IFT81: variants seen among roughly 807,000 people sequenced by gnomAD.
The protein encoded by IFT81 is intraflagellar transport protein 81 homolog.
IFT81 carries 72 observed loss-of-function variants against 102.6 expected under a neutral mutation model. The ratio of observed to expected loss-of-function variants is 0.70; its 90% confidence interval spans 0.58 to 0.85. The LOEUF (loss-of-function observed/expected upper bound fraction) is 0.85, where lower values mean the gene tolerates loss of function less well. Among genes scored for constraint, IFT81 ranks in the 40% least tolerant of loss-of-function variants. The pLI is 0.00. For synonymous variants in IFT81, 237 were observed against 242.7 expected (o/e 0.98, Z 0.22); for missense variants, 723 against 787.3 (o/e 0.92, Z 0.98).
At chr12:110,201,821 T>C (rs895114450) in intron 14 of IFT81, among the ~76,000 whole-genome samples, 2 of 152,122 alleles carry the variant, frequency 1.3e-5, no homozygotes, top group Admixed American at 6.5e-5. Flanking sequence ...GGGTAATCAA[T>C]ATCACTGTCT....
intron 10 of IFT81, among the ~76,000 whole-genome samples, chr12:110,148,517 C>T (rs1457127999): frequency 3.3e-5 from 5 of 151,630 alleles, no homozygotes; most frequent in Non-Finnish European, 5.9e-5. Context: ...TCACTGTCAC[C>T]CAGGCTAGAG....
intron 8 of IFT81, among the ~76,000 whole-genome samples, chr12:110,141,674 G>C (rs902072618): frequency 5.3e-5 from 8 of 152,138 alleles, no homozygotes; most frequent in Admixed American, 5.2e-4. Flanking sequence ...GAGGTCAGGA[G>C]TTGCAGACCA....
intron 12 of IFT81, among the ~76,000 whole-genome samples, chr12:110,180,890 G>A (rs1477505274): frequency 6.6e-6 from 1 of 152,160 alleles, no homozygotes; most frequent in East Asian, 1.9e-4. Context: ...TTTTATCATG[G>A]CCTGCTGGGC....
Position 110,143,516 on chromosome 12 carries a change from C to T in IFT81, c.916C>T (p.His306Tyr), listed in dbSNP as rs529783964. The change falls in exon 9 of 19, where the codon CAT (histidine) becomes TAT (tyrosine). Residue 306 changes from histidine (H) to tyrosine (Y), a missense_variant. His to Tyr is a moderately conservative substitution (Grantham distance 83, BLOSUM62 2). Transcript: ENST00000242591. ...AGTAGTTTCAGAGCCAGCTATGGGC[C>T]ATTCTGATCTTCTTGAACTTGAATC... is the stretch of plus-strand genomic sequence containing the variant. ...QKVVSEPAMG[H>Y]SDLLELESKI... 8 of 1,554,190 alleles carry T rather than the reference C, an allele frequency of 5.1e-6. No homozygotes were observed. The Admixed American group carries it at 1.4e-4, about 27-fold the overall frequency.
At chr12:110,160,783 A>G (rs1313597574) in intron 10 of IFT81, among the ~76,000 whole-genome samples, 1 of 152,208 alleles carries the variant, frequency 6.6e-6, no homozygotes, top group Non-Finnish European at 1.5e-5. Context: ...GATTTTGTCT[A>G]TGAAAGCTAT....
intron 18 of IFT81, among the ~76,000 whole-genome samples, chr12:110,209,768 CAAAAAAA>C (rs774458929): frequency 1.0e-4 from 6 of 60,106 alleles, no homozygotes; most frequent in African/African-American, 2.3e-4. Context: ...TACTCCATCT[CAAAAAAA>C]AAAAAAAAAA....
chr12:110,167,228 T>C (rs1376794904), intron 11 of IFT81, among the ~76,000 whole-genome samples: 2 of 152,196 alleles, frequency 1.3e-5, no homozygotes, highest in African/African-American at 4.8e-5. Flanking sequence ...CTGGAAGTAC[T>C]TCCCCCCCAT....
At chr12:110,195,960 G>C (rs1245270312) in intron 14 of IFT81, among the ~76,000 whole-genome samples, 1 of 152,026 alleles carries the variant, frequency 6.6e-6, no homozygotes, top group African/African-American at 2.4e-5. Context: ...TTGGTAACTC[G>C]ATCTTGAAAA....
At chr12:110,216,496 C>T in intron 18 of IFT81, 2 of 451,944 alleles carry the variant, frequency 4.4e-6, no homozygotes, top group Non-Finnish European at 4.4e-6. Context: ...TGCCCAGCCC[C>T]CAGCCTCCTA....
chr12:110,149,810 A>G (rs1340900310), intron 10 of IFT81, among the ~76,000 whole-genome samples: 1 of 152,086 alleles, frequency 6.6e-6, no homozygotes, highest in Non-Finnish European at 1.5e-5. Flanking sequence ...TGTCTTCTTC[A>G]GCCGATCTCC....
chr12:110,190,262 A>G (rs559053637), intron 12 of IFT81, among the ~76,000 whole-genome samples: 1 of 151,648 alleles, frequency 6.6e-6, no homozygotes, highest in Admixed American at 6.6e-5. Context: ...CCCCTCCTTC[A>G]CCCCCACCTT....
chr12:110,160,328 G>A (rs1297557766), intron 10 of IFT81, among the ~76,000 whole-genome samples: 2 of 152,164 alleles, frequency 1.3e-5, no homozygotes, highest in South Asian at 2.1e-4. Context: ...CAGGGAAGAC[G>A]ACAGTGCAGC....
intron 12 of IFT81, among the ~76,000 whole-genome samples, chr12:110,187,746 T>C (rs970121803): frequency 6.6e-6 from 1 of 152,180 alleles, no homozygotes; most frequent in Non-Finnish European, 1.5e-5. Flanking sequence ...TGAGGGTAGC[T>C]TTTTTGTTTT....
At chr12:110,173,969 AAAAG>A (rs974819591) in intron 11 of IFT81, among the ~76,000 whole-genome samples, 4 of 152,016 alleles carry the variant, frequency 2.6e-5, no homozygotes, top group South Asian at 2.1e-4. Context: ...AATAAAAAAA[AAAAG>A]AAAGAAAAAA....
chr12:110,125,114 T>C (rs987528991), intron 1 of IFT81, among the ~76,000 whole-genome samples: 1 of 152,184 alleles, frequency 6.6e-6, no homozygotes, highest in Non-Finnish European at 1.5e-5. Flanking sequence ...AGTAGACCTA[T>C]AGATAATTTC....
intron 5 of IFT81, 59 bp from the exon 6 acceptor site, chr12:110,134,889 T>C (rs1894385266): frequency 1.3e-5 from 16 of 1,251,730 alleles, no homozygotes; most frequent in South Asian, 1.0e-4. Context: ...TAAAACCTTA[T>C]CTGTTTCCTA....
intron 10 of IFT81, among the ~76,000 whole-genome samples, chr12:110,151,603 C>T (rs937643878): frequency 8.5e-4 from 129 of 152,210 alleles, no homozygotes; most frequent in Middle Eastern, 6.8e-3. Context: ...AATATGTATA[C>T]ATCATGGAAT....
At chr12:110,207,905 CAAATA>C (rs577577922) in intron 17 of IFT81, among the ~76,000 whole-genome samples, 317 of 151,958 alleles carry the variant, frequency 2.1e-3, no homozygotes, top group Non-Finnish European at 3.8e-3. Flanking sequence ...ATTTTGTTTA[CAAATA>C]AAATACAATG....
At chr12:110,191,811 A>G (rs1035466583) in intron 13 of IFT81, among the ~76,000 whole-genome samples, 20 of 151,964 alleles carry the variant, frequency 1.3e-4, no homozygotes, top group African/African-American at 4.6e-4. Flanking sequence ...TCTTGTCCAC[A>G]TTGGCCATTC....
Sources: gnomAD v4.1 joint callset for allele counts (sites outside exome capture counted in the v4.1 genomes callset) on GRCh38, gnomAD v4.1.1 for gene constraint, MANE v1.5 for transcripts, NCBI Gene and HGNC (gene_info 2026-07-23, HGNC 2026-07-21) for gene names.